Variants in APAF1 observed in about 807,000 individuals in gnomAD.
The protein encoded by APAF1 is apoptotic protease-activating factor 1.
A neutral mutation model predicts 152.4 loss-of-function variants in APAF1; 91 were observed. The observed-to-expected ratio is 0.60, with a 90% CI of 0.50 to 0.71. APAF1 has a LOEUF of 0.71. Ranked by LOEUF, APAF1 falls within the 30% of genes least tolerant of loss-of-function variation. The pLI is 0.00. For missense variants in APAF1, 1,283 were observed against 1,472.0 expected (o/e 0.87, Z 2.10); for synonymous variants, 484 against 494.1 (o/e 0.98, Z 0.27).
chr12:98,706,097 C>T (rs1394832743), intron 18 of APAF1, among the ~76,000 whole-genome samples: 1 of 152,008 alleles, frequency 6.6e-6, no homozygotes, highest in Admixed American at 6.6e-5. Context: ...CATATTTTTC[C>T]ATCTCATATA....
rs1450282808 is a variant in APAF1 at position 98,732,437 on chromosome 12, T to C, written c.3618T>C (p.Thr1206=). Residue 1206 remains threonine, a synonymous_variant, in exon 27 of 27, where the codon ACT becomes ACC. Coordinates refer to ENST00000551964, the MANE Select transcript of APAF1 (RefSeq NM_181861.2). ...GGYIKWWNVV[T]GESSQTFYTN... is the part of the protein sequence containing the mutation. The stretch of plus-strand genomic sequence containing the variant: ...CTGAACAGTGGTGGAACGTTGTCAC[T>C]GGGGAATCCTCACAGACCTTCTACA... The C allele has an allele frequency of 3.1e-6, 5 of 1,613,556 alleles. No individual in the cohort carries two copies. The highest frequency in any genetic ancestry group is 1.3e-5 in the African/African-American group (1 of 74,916).
At chr12:98,647,703 C>CTTTTTTT (rs2097643307) in intron 1 of APAF1, among the ~76,000 whole-genome samples, 1 of 126,652 alleles carries the variant, frequency 7.9e-6, no homozygotes, top group Non-Finnish European at 1.7e-5. Flanking sequence ...GATCATGTTT[C>CTTTTTTT]TGTTTTTTTT....
chr12:98,708,863 G>C (rs866034400), intron 20 of APAF1, among the ~76,000 whole-genome samples, 159 bp downstream of exon 20: 2 of 152,172 alleles, frequency 1.3e-5, no homozygotes, highest in Non-Finnish European at 2.9e-5. Context: ...CTTGAGCTGA[G>C]GCTCAGATAT....
At chr12:98,706,336 G>C in intron 18 of APAF1, 149 bp from the exon 19 acceptor site, 1 of 804,580 alleles carries the variant, frequency 1.2e-6, no homozygotes, top group Non-Finnish European at 2.2e-6. Flanking sequence ...ATAATCTTCT[G>C]CATAAGACAT....
At chr12:98,692,939 G>T (rs1318069982) in intron 16 of APAF1, among the ~76,000 whole-genome samples, 1 of 152,046 alleles carries the variant, frequency 6.6e-6, no homozygotes, top group Non-Finnish European at 1.5e-5. Flanking sequence ...TGGTAGTTCT[G>T]TTTTAAGTTA....
At chr12:98,716,266 G>A (rs1260501857) in intron 22 of APAF1, among the ~76,000 whole-genome samples, 1 of 152,138 alleles carries the variant, frequency 6.6e-6, no homozygotes, top group African/African-American at 2.4e-5. Flanking sequence ...GGAAGATGTT[G>A]CTTTTTTCCG....
intron 14 of APAF1, among the ~76,000 whole-genome samples, chr12:98,682,765 A>T (rs2097693762): frequency 6.6e-6 from 1 of 152,210 alleles, no homozygotes; most frequent in Non-Finnish European, 1.5e-5. Flanking sequence ...CACAAGTCAT[A>T]AGTGGTAGAG....
At chr12:98,665,278 A>ATTTTTTTT (rs376318016) in intron 7 of APAF1, among the ~76,000 whole-genome samples, 4 of 65,990 alleles carry the variant, frequency 6.1e-5, no homozygotes, top group East Asian at 1.1e-3. Flanking sequence ...ATATATATAT[A>ATTTTTTTT]TTTTTTTTTT....
intron 25 of APAF1, 75 bp from the exon 26 acceptor site, chr12:98,727,098 G>A (rs1458211922): frequency 1.7e-4 from 222 of 1,341,810 alleles, no homozygotes; most frequent in Non-Finnish European, 2.2e-5. Flanking sequence ...ACATATATAT[G>A]GACATATATA....
At chr12:98,717,944 G>C (rs1266154906) in intron 22 of APAF1, among the ~76,000 whole-genome samples, 6 of 152,142 alleles carry the variant, frequency 3.9e-5, no homozygotes, top group Non-Finnish European at 7.4e-5. Context: ...CAGATTCCTA[G>C]AGAGGAATTT....
At chr12:98,717,338 T>C (rs913420380) in intron 22 of APAF1, among the ~76,000 whole-genome samples, 1 of 151,266 alleles carries the variant, frequency 6.6e-6, no homozygotes, top group African/African-American at 2.4e-5. Context: ...ATATAATATA[T>C]ATATAGAAAT....
intron 1 of APAF1, 113 bp downstream of exon 1, chr12:98,645,948 TGTA>T (rs2097639611): frequency 6.6e-6 from 1 of 152,234 alleles, no homozygotes; most frequent in Admixed American, 6.5e-5. Flanking sequence ...ATCCTGCTCC[TGTA>T]CCAGGAAGAG....
chr12:98,730,760 A>C (rs1432112306), intron 26 of APAF1, among the ~76,000 whole-genome samples: 1 of 152,238 alleles, frequency 6.6e-6, no homozygotes, highest in Non-Finnish European at 1.5e-5. Context: ...AGTGTCCAAG[A>C]AAATAGGCCT....
rs78489365 is a variant in APAF1 at position 98,674,705 on chromosome 12, G to A, written c.1794-2720G>A. On this transcript the variant is annotated intron_variant, in intron 12 of 26. Coordinates refer to ENST00000551964, the MANE Select transcript of APAF1 (RefSeq NM_181861.2). ...CTATTGATTAGTTGTGTATCATAAG[G>A]GGAAAGTTATTTAACTTCCTTTGCC... Among the ~76,000 whole-genome samples, 278 of 152,218 alleles carry A rather than the reference G, an allele frequency of 1.8e-3. 6 individuals carry two copies. The East Asian group carries it at 0.048, about 26-fold the overall frequency.
At position 98,703,367 on chromosome 12, in the gene APAF1, A is replaced by G; in HGVS notation, c.2467-4A>G. On this transcript the variant is annotated splice_region_variant and splice_polypyrimidine_tract_variant and intron_variant, in intron 17 of 26. Coordinates refer to ENST00000551964, the MANE Select transcript of APAF1 (RefSeq NM_181861.2). ...TTCATAGGTATCTCTATTTATGTTGACAGCTTTTTGACATTCATACTAGTG... is the reference window on the plus strand; with the variant it reads ...TTCATAGGTATCTCTATTTATGTTGGCAGCTTTTTGACATTCATACTAGTG... 1 of 1,614,012 alleles carries G rather than the reference A, an allele frequency of 6.2e-7. No homozygotes were observed. The highest frequency in any genetic ancestry group is 1.7e-5 in the Admixed American group (1 of 60,010).
chr12:98,666,096 T>C (rs1335874279), intron 8 of APAF1, 94 bp from the exon 9 acceptor site: 1 of 1,211,910 alleles, frequency 8.3e-7, no homozygotes, highest in Admixed American at 1.7e-5. Context: ...CTCAGGGCTT[T>C]AAGATACCGT....
intron 26 of APAF1, among the ~76,000 whole-genome samples, chr12:98,731,779 G>C (rs1038344420): frequency 6.6e-6 from 1 of 152,104 alleles, no homozygotes; most frequent in African/African-American, 2.4e-5. Context: ...ATTCCCATTT[G>C]TTAAATGAAT....
Position 98,715,510 on chromosome 12 carries a change from TGAG to T in APAF1, c.3043_3045del (p.Glu1015del). The T allele has an allele frequency of 2.5e-6, 4 of 1,613,788 alleles. No individual in the cohort carries two copies. Among genetic ancestry groups the T allele is most frequent in the Non-Finnish European group, 3.4e-6 (4 of 1,179,854 alleles). On this transcript the variant is annotated inframe_deletion, in exon 22 of 27. Transcript: ENST00000551964. ...TATGGCACATCCAGTTCACAGCCGA[TGAG>T]AAGACTCTTATTTCAAGTTCTGATG...
At chr12:98,703,642 A>T (rs1009247775) in intron 18 of APAF1, 143 bp downstream of exon 18, 58 of 1,003,530 alleles carry the variant, frequency 5.8e-5, no homozygotes, top group Non-Finnish European at 7.9e-5. Context: ...ATGACCTCTA[A>T]CTTTGGGATA....
Sources: gnomAD v4.1 joint callset for allele counts (sites outside exome capture counted in the v4.1 genomes callset) on GRCh38, gnomAD v4.1.1 for gene constraint, MANE v1.5 for transcripts, NCBI Gene and HGNC (gene_info 2026-07-23, HGNC 2026-07-21) for gene names.